Variants in CDH20 observed in about 807,000 individuals in gnomAD.
The protein encoded by CDH20 is cadherin-20.
A neutral mutation model predicts 74.2 loss-of-function variants in CDH20; 29 were observed. That is an observed-to-expected ratio of 0.39 (90% confidence interval 0.29 to 0.53). The LOEUF (loss-of-function observed/expected upper bound fraction) is 0.53. Among genes scored for constraint, CDH20 ranks in the 20% least tolerant of loss-of-function variants. The probability of loss-of-function intolerance (pLI) is 0.69; values close to 1 mark genes in which losing one functional copy is unlikely to be tolerated. For synonymous variants in CDH20, 469 were observed against 405.4 expected, an observed-to-expected ratio of 1.16 and a Z score of -1.88; for missense variants, 988 against 1,048.3, an observed-to-expected ratio of 0.94 and a Z score of 0.79.
At chr18:61,461,765 T>C (rs956351431) in intron 1 of CDH20, among the ~76,000 whole-genome samples, 1 of 152,158 alleles carries the variant, frequency 6.6e-6, no homozygotes, top group African/African-American at 2.4e-5. Flanking sequence ...TACAGAATTT[T>C]CTGGGGTCCA....
At chr18:61,360,917 T>C (rs936426815) in intron 1 of CDH20, among the ~76,000 whole-genome samples, 2 of 152,248 alleles carry the variant, frequency 1.3e-5, no homozygotes, top group Non-Finnish European at 2.9e-5. Flanking sequence ...GCAGACATCA[T>C]GTTATATTTC....
intron 1 of CDH20, among the ~76,000 whole-genome samples, chr18:61,390,039 G>A (rs1233233470): frequency 6.6e-6 from 1 of 152,090 alleles, no homozygotes; most frequent in Non-Finnish European, 1.5e-5. Context: ...TTCCAAGCAA[G>A]TATTTTTGGA....
chr18:61,503,585 C>T (rs1911461969), intron 5 of CDH20, among the ~76,000 whole-genome samples: 1 of 152,184 alleles, frequency 6.6e-6, no homozygotes, highest in African/African-American at 2.4e-5. Context: ...CACACCTGCC[C>T]ATGTGACGAT....
At position 61,499,218 on chromosome 18, in the gene CDH20, C is replaced by T; in HGVS notation, c.279C>T (p.Ser93=). The part of the protein sequence containing the change: ...LHSDMDRGDG[S]IKYILSGEGA... ...CAGATATGGACAGGGGAGACGGATC[C>T]ATCAAATACATCCTCTCGGGAGAAG... The change falls in exon 3 of 12, where the codon TCC becomes TCT. Residue 93 remains serine (S), a synonymous_variant. Coordinates refer to ENST00000262717, the MANE Select transcript of CDH20 (RefSeq NM_031891.4). 1 of 1,603,020 alleles carries T rather than the reference C, an allele frequency of 6.2e-7. No homozygotes were observed. The highest frequency in any genetic ancestry group is 8.5e-7 in the Non-Finnish European group (1 of 1,172,834).
In CDH20 at chr18:61,554,623, G is replaced by C. The variant is rs552739283; in HGVS notation, c.2334G>C (p.Thr778=). Residue 778 remains threonine, a synonymous_variant, in exon 12 of 12, where the codon ACG becomes ACC. Coordinates refer to ENST00000262717, the MANE Select transcript of CDH20 (RefSeq NM_031891.4). ...CGGAACAGAGCTTCGACTTCCTGAC[G>C]GACTGGGGGCCCCGCTTCCGGAAGC... The part of the protein sequence containing the change: ...SDSEQSFDFL[T]DWGPRFRKLA... The C allele has an allele frequency of 1.4e-5, 23 of 1,605,716 alleles. No individual in the cohort carries two copies. The East Asian group carries it at 2.2e-4, about 16-fold the overall frequency.
Position 61,545,050 on chromosome 18 carries a change from G to A in CDH20, c.1554G>A (p.Val518=), listed in dbSNP as rs1465967176. Residue 518 remains valine (V), a synonymous_variant, in exon 10 of 12, where the codon GTG becomes GTA. Coordinates refer to ENST00000262717, the MANE Select transcript of CDH20 (RefSeq NM_031891.4). ...AGCTGATCCAGACAGTGAGTGCGGT[G>A]GACCAAGATGACCCACGCAATGGTC... The part of the protein sequence containing the change: ...AGQLIQTVSA[V]DQDDPRNGQH... The A allele has an allele frequency of 6.2e-6, 10 of 1,613,456 alleles. No homozygotes were observed. The South Asian group carries it at 9.9e-5, about 16-fold the overall frequency.
At chr18:61,458,414 T>C (rs930865040) in intron 1 of CDH20, among the ~76,000 whole-genome samples, 1 of 152,158 alleles carries the variant, frequency 6.6e-6, no homozygotes, top group African/African-American at 2.4e-5. Flanking sequence ...GTCAGGAAAG[T>C]TGCCCATCAA....
At chr18:61,536,905 T>C (rs1416864259) in intron 8 of CDH20, among the ~76,000 whole-genome samples, 2 of 152,170 alleles carry the variant, frequency 1.3e-5, no homozygotes, top group Non-Finnish European at 2.9e-5. Context: ...AAGGGAAGAT[T>C]CCTGAGAAAT....
At chr18:61,413,139 A>G (rs903291488) in intron 1 of CDH20, among the ~76,000 whole-genome samples, 2 of 152,134 alleles carry the variant, frequency 1.3e-5, no homozygotes, top group Non-Finnish European at 2.9e-5. Context: ...ACACATGCAA[A>G]TACAAAATGT....
intron 6 of CDH20, among the ~76,000 whole-genome samples, chr18:61,518,624 A>G (rs1372911536): frequency 6.6e-6 from 1 of 151,438 alleles, no homozygotes; most frequent in African/African-American, 2.5e-5. Flanking sequence ...GTTCACCAAC[A>G]TCAAAGACCA....
intron 1 of CDH20, among the ~76,000 whole-genome samples, chr18:61,405,964 TG>T (rs1207084793): frequency 6.6e-6 from 1 of 152,226 alleles, no homozygotes; most frequent in African/African-American, 2.4e-5. Context: ...GTAGATTTGC[TG>T]AACAATCTGA....
intron 1 of CDH20, among the ~76,000 whole-genome samples, chr18:61,365,870 C>G (rs1161215949): frequency 2.0e-5 from 3 of 152,028 alleles, no homozygotes; most frequent in Non-Finnish European, 4.4e-5. Flanking sequence ...AGTCTCTTCA[C>G]AAAATAAAAA....
chr18:61,353,386 C>G lies in CDH20; in HGVS notation c.-153+19559C>G, dbSNP rs1403033711. 6.6e-6 allele frequency among the ~76,000 whole-genome samples: 1 copy of G among 152,166 alleles called. No individual in the cohort carries two copies. Among genetic ancestry groups the G allele is most frequent in the Non-Finnish European group, 1.5e-5 (1 of 68,020 alleles). On this transcript the variant is annotated intron_variant, in intron 1 of 11. Coordinates refer to ENST00000262717, the MANE Select transcript of CDH20 (RefSeq NM_031891.4). This position sits in a 1 kb window ranked among gnomAD's most constrained non-coding sequence, Gnocchi z 4.6. ...ATCAAGGCTCACCTCTCCACAAAAG[C>G]CTTCTCAATTTTATGGGTCAATAGT...
chr18:61,550,661 A>G (rs182167920), intron 11 of CDH20, among the ~76,000 whole-genome samples: 116 of 152,352 alleles, frequency 7.6e-4, no homozygotes, highest in African/African-American at 2.6e-3. Context: ...GCTCAAAACC[A>G]AAGTCAGAGG....
chr18:61,371,666 G>A (rs1911044720), intron 1 of CDH20, among the ~76,000 whole-genome samples: 1 of 151,980 alleles, frequency 6.6e-6, no homozygotes, highest in Admixed American at 6.6e-5. Context: ...TCTCAAGAAA[G>A]GCTAATAAAT....
intron 1 of CDH20, among the ~76,000 whole-genome samples, chr18:61,450,717 A>G (rs1909358191): frequency 6.6e-6 from 1 of 152,072 alleles, no homozygotes; most frequent in Non-Finnish European, 1.5e-5. Flanking sequence ...TTACAAAATG[A>G]GATCATACTA....
chr18:61,509,320 G>A (rs943185481), intron 6 of CDH20, among the ~76,000 whole-genome samples: 3 of 152,222 alleles, frequency 2.0e-5, no homozygotes, highest in Non-Finnish European at 4.4e-5. Context: ...TCATACCACT[G>A]AGTTAAGCAG....
chr18:61,442,004 C>G (rs1001945209), intron 1 of CDH20, among the ~76,000 whole-genome samples: 3 of 152,084 alleles, frequency 2.0e-5, no homozygotes, highest in African/African-American at 7.2e-5. Flanking sequence ...TCTCTCAGTT[C>G]AGGACCCACA....
At chr18:61,374,081 G>A (rs186615215) in intron 1 of CDH20, among the ~76,000 whole-genome samples, 98 of 152,134 alleles carry the variant, frequency 6.4e-4, no homozygotes, top group Non-Finnish European at 1.2e-3. Context: ...CAATTTTCAG[G>A]CATACAACAG....
Sources: gnomAD v4.1 joint callset for allele counts (sites outside exome capture counted in the v4.1 genomes callset) on GRCh38, gnomAD v4.1.1 for gene constraint, Gnocchi (gnomAD v3.1) non-coding constraint, MANE v1.5 for transcripts, NCBI Gene and HGNC (gene_info 2026-07-23, HGNC 2026-07-21) for gene names.